The following PTCD2 variants were observed in gnomAD, a reference collection of about 807,000 sequenced individuals.
The protein encoded by PTCD2 is pentatricopeptide repeat-containing protein 2, mitochondrial.
PTCD2 carries 31 observed loss-of-function variants against 42.6 expected under a neutral mutation model. The observed-to-expected ratio is 0.73, with a 90% confidence interval of 0.55 to 0.98. PTCD2 has a LOEUF of 0.98. Ranked by LOEUF, PTCD2 falls within the 50% of genes least tolerant of loss-of-function variation. The pLI is 0.00. For synonymous variants in PTCD2, 183 were observed against 170.9 expected (o/e 1.07, Z -0.55); for missense variants, 476 against 454.8 (o/e 1.05, Z -0.42).
rs753429415 is a variant in PTCD2, at chr5:72,358,422, G to A, written c.1162G>A (p.Glu388Lys). The A allele has an allele frequency of 2.5e-6, 4 of 1,612,020 alleles. No homozygotes were observed. The African/African-American group carries it at 4.0e-5, about 16-fold the overall frequency. The change falls in exon 10 of 10, where the codon GAG becomes AAG. Residue 388 changes from glutamate to lysine, a missense_variant. Coordinates refer to ENST00000380639, the MANE Select transcript of PTCD2 (RefSeq NM_024754.5). ...FQPLSQSLLA[E>K] ...GCCACTCAGCCAGTCCCTGTTGGCT[G>A]AGTAACCCTGGTTTCAGTCCACCTA...
chr5:72,347,770 G>A (rs923356456), intron 8 of PTCD2, among the ~76,000 whole-genome samples: 1 of 151,850 alleles, frequency 6.6e-6, no homozygotes, highest in African/African-American at 2.4e-5. Flanking sequence ...AGCTAAACAT[G>A]AGCCTGCTGA....
rs1308948831 is a variant in PTCD2, at chr5:72,361,959, T to C, written c.*3532T>C. ...AAAGTGCTTATCATATGCCTGTCAC[T>C]GTCTGTTTTCTTCACTAGACTCAGG... On this transcript the variant is annotated 3_prime_UTR_variant, in exon 10 of 10. Coordinates refer to ENST00000380639, the MANE Select transcript of PTCD2 (RefSeq NM_024754.5). The C allele has an allele frequency of 6.6e-6, 1 of 152,372 alleles. No homozygotes were observed. The highest frequency in any genetic ancestry group is 6.5e-5 in the Admixed American group (1 of 15,290). The allele number at this position is 152,372 out of a possible 1,614,324, so 9.4% of individuals were successfully genotyped here. A position where few individuals can be genotyped will look rare whatever the true frequency, so the allele number is the denominator to read the frequency against.
rs1471754815 is a variant in PTCD2 at position 72,341,155 on chromosome 5, T to G, written c.754-1807T>G. ...GTATTTTAGTAGGCGTGTGCCCAGC[T>G]AAATTTTTGTATTTTAGTAGAGACA... On this transcript the variant is annotated intron_variant, in intron 7 of 9. Transcript: ENST00000380639. Among the ~76,000 whole-genome samples, 3 of 151,948 alleles carry G rather than the reference T, an allele frequency of 2.0e-5. No individual in the cohort carries two copies. In the East Asian group the frequency reaches 5.8e-4, roughly 29 times the overall value.
chr5:72,320,740 T>G (rs923430403), intron 1 of PTCD2: 15 of 563,048 alleles, frequency 2.7e-5, no homozygotes, highest in Non-Finnish European at 4.4e-5. Context: ...GGGGCTGTAG[T>G]GCTCCCTCAG....
intron 8 of PTCD2, among the ~76,000 whole-genome samples, chr5:72,344,927 C>T (rs1243717636): frequency 6.6e-6 from 1 of 152,092 alleles, no homozygotes; most frequent in Non-Finnish European, 1.5e-5. Context: ...GATCACAGGA[C>T]CACAGGACCA....
chr5:72,320,503 C>G lies in PTCD2; in HGVS notation c.121C>G (p.Leu41Val). 1.2e-6 allele frequency: 2 copies of G among 1,613,956 alleles called. No homozygotes were observed. The highest frequency in any genetic ancestry group is 1.7e-6 in the Non-Finnish European group (2 of 1,180,042). Residue 41 changes from leucine (L) to valine (V), a missense_variant, in exon 1 of 10, where the codon CTC (leucine) becomes GTC (valine). Leu to Val is a conservative substitution (Grantham distance 32). Coordinates refer to ENST00000380639, the MANE Select transcript of PTCD2 (RefSeq NM_024754.5). ...GSGSVSCRCP[L>V]GAKRYLLTDN... Reference sequence around the variant, plus strand: ...CGGCTCTGTCAGCTGCCGCTGCCCTCTCGGAGGTATCCGCGGCTTTAGCCT... The same window carrying G: ...CGGCTCTGTCAGCTGCCGCTGCCCTGTCGGAGGTATCCGCGGCTTTAGCCT...
At chr5:72,348,873 C>T (rs1752487897) in intron 8 of PTCD2, among the ~76,000 whole-genome samples, 1 of 152,240 alleles carries the variant, frequency 6.6e-6, no homozygotes, top group South Asian at 2.1e-4. Context: ...ATGCCCCTTT[C>T]TCCTACCCAC....
At chr5:72,324,118 T>C (rs1234686418) in intron 2 of PTCD2, among the ~76,000 whole-genome samples, 1 of 152,220 alleles carries the variant, frequency 6.6e-6, no homozygotes, top group Non-Finnish European at 1.5e-5. Context: ...CTTCAGTCTT[T>C]TCTTTCTACC....
Position 72,364,418 on chromosome 5 carries a change from C to T in PTCD2, c.*5991C>T, listed in dbSNP as rs1753156092. On this transcript the variant is annotated 3_prime_UTR_variant, in exon 10 of 10. Transcript: ENST00000380639. ...GACCTTTTGCTGGTGTTTTGTAAAA[C>T]CAGTTGTCTGTGTCATTTATTTTAA... The T allele has an allele frequency of 6.6e-6, 1 of 152,184 alleles. No individual in the cohort carries two copies. The highest frequency in any genetic ancestry group is 1.5e-5 in the Non-Finnish European group (1 of 68,040). The allele number at this position is 152,184 out of a possible 1,614,324, so 9.4% of individuals were successfully genotyped here.
intron 8 of PTCD2, among the ~76,000 whole-genome samples, chr5:72,350,592 G>T (rs543356973): frequency 6.6e-6 from 1 of 152,180 alleles, no homozygotes; most frequent in Non-Finnish European, 1.5e-5. Context: ...TTTGAGAGAC[G>T]CATGGAAAGT....
At position 72,359,295 on chromosome 5, in the gene PTCD2, A is replaced by T. The variant is rs1417884983; in HGVS notation, c.*868A>T. On this transcript the variant is annotated 3_prime_UTR_variant, in exon 10 of 10. Transcript: ENST00000380639. ...TCATATTAAAAAAAAATGTGCCATG[A>T]GAGCAGTTCAAAGCTGCTTCATACT... The T allele has an allele frequency of 6.6e-6, 1 of 152,210 alleles. No homozygotes were observed. The highest frequency in any genetic ancestry group is 2.4e-5 in the African/African-American group (1 of 41,454). 9.4% of individuals were successfully genotyped at this position (152,210 alleles called of 1,614,324 possible). A position where few individuals can be genotyped will look rare whatever the true frequency, so the allele number is the denominator to read the frequency against.
At chr5:72,323,174 G>A (rs1031092263) in intron 2 of PTCD2, among the ~76,000 whole-genome samples, 9 of 152,002 alleles carry the variant, frequency 5.9e-5, no homozygotes, top group African/African-American at 2.2e-4. Flanking sequence ...TCTGGGATTT[G>A]CTTTGAAAAA....
intron 7 of PTCD2, among the ~76,000 whole-genome samples, chr5:72,341,603 A>G (rs1011433716): frequency 6.6e-6 from 1 of 152,070 alleles, no homozygotes; most frequent in Non-Finnish European, 1.5e-5. Context: ...CAGGTGCAGT[A>G]GTACCTAGTA....
rs557698354 is a variant in PTCD2 at position 72,351,988 on chromosome 5, T to C, written c.829-653T>C. 1.4e-3 allele frequency among the ~76,000 whole-genome samples: 218 copies of C among 152,288 alleles called. 5 individuals are homozygous for C. The South Asian group carries it at 0.044, about 31-fold the overall frequency. On this transcript the variant is annotated intron_variant, in intron 8 of 9. Coordinates refer to ENST00000380639, the MANE Select transcript of PTCD2 (RefSeq NM_024754.5). The stretch of plus-strand genomic sequence containing the variant: ...CAAAATGTGAGATCTAAATCTATTT[T>C]CCCCATTTTACAAATGAGGGCATTT...
intron 1 of PTCD2, among the ~76,000 whole-genome samples, chr5:72,321,868 T>C (rs1750868906): frequency 6.6e-6 from 1 of 152,228 alleles, no homozygotes; most frequent in Admixed American, 6.5e-5. Context: ...AAATGCCCAT[T>C]TGTACTTCAA....
chr5:72,326,807 T>A, intron 3 of PTCD2, 66 bp downstream of exon 3: 1 of 1,538,158 alleles, frequency 6.5e-7, no homozygotes, highest in Non-Finnish European at 8.8e-7. Flanking sequence ...CTATGAGCAG[T>A]CTGATCCACT....
In PTCD2 at chr5:72,352,696, A is replaced by C. The variant is rs1480520968; in HGVS notation, c.884A>C (p.Asn295Thr). Residue 295 changes from asparagine to threonine, a missense_variant, in exon 9 of 10, where the codon AAT becomes ACT. By Grantham distance (65) the Asn-to-Thr change is moderately conservative. Coordinates refer to ENST00000380639, the MANE Select transcript of PTCD2 (RefSeq NM_024754.5). ...GAAAACCTGATAAAGACTCTAAAAA[A>C]TGCTGCAGAAGGAAATTTATCAAAA... ...MLENLIKTLK[N>T]AAEGNLSKFV... 1.2e-6 allele frequency: 2 copies of C among 1,606,072 alleles called. No homozygotes were observed. Among genetic ancestry groups the C allele is most frequent in the East Asian group, 4.5e-5 (2 of 44,816 alleles).
rs933365677 is a variant in PTCD2, at chr5:72,363,463, A to G, written c.*5036A>G. 2.0e-5 allele frequency: 3 copies of G among 152,268 alleles called. No individual in the cohort carries two copies. The highest frequency in any genetic ancestry group is 2.9e-5 in the Non-Finnish European group (2 of 68,072). The allele number at this position is 152,268 out of a possible 1,614,324, so 9.4% of individuals were successfully genotyped here. ...GAAAGCTTGTGTGTCTTGTGTGTCT[A>G]TGTGGACAGGAGTTGTGGGCTTCAG... On this transcript the variant is annotated 3_prime_UTR_variant, in exon 10 of 10. Transcript: ENST00000380639.
In PTCD2 at chr5:72,331,316, G is replaced by C; in HGVS notation, c.409G>C (p.Val137Leu). 1 of 1,614,084 alleles carries C rather than the reference G, an allele frequency of 6.2e-7. No homozygotes were observed. ...GGAGTATAAATTTGGACCGCTTTTT[G>C]TGAGGTTGTGTTACGAGTTGGATCT... is the stretch of plus-strand genomic sequence containing the variant. ...LGEYKFGPLFVRLCYELDLEE... is the reference protein window; with the variant it reads ...LGEYKFGPLFLRLCYELDLEE... The change falls in exon 4 of 10, where the codon GTG (valine) becomes CTG (leucine). Residue 137 changes from valine to leucine, a missense_variant. By Grantham distance (32) the Val-to-Leu change is conservative (BLOSUM62 1). Transcript: ENST00000380639.
Sources: allele counts gnomAD v4.1 joint callset (sites outside exome capture counted in the v4.1 genomes callset), GRCh38; gene constraint gnomAD v4.1.1; transcripts MANE v1.5; gene names NCBI Gene and HGNC (gene_info 2026-07-23, HGNC 2026-07-21).